The following STEAP2 variants were observed in gnomAD, a reference collection of about 807,000 sequenced individuals.
STEAP2 encodes the protein metalloreductase STEAP2.
STEAP2 carries 30 observed loss-of-function variants against 46.4 expected under a neutral mutation model. The observed-to-expected ratio is 0.65, with a 90% CI of 0.48 to 0.88. The LOEUF is 0.88. Ranked by LOEUF, STEAP2 falls within the 40% of genes least tolerant of loss-of-function variation. The pLI is 0.00. For synonymous variants in STEAP2, 180 were observed against 200.5 expected, an observed-to-expected ratio of 0.90 and a Z score of 0.86; for missense variants, 513 against 579.3, an observed-to-expected ratio of 0.89 and a Z score of 1.18.
chr7:90,217,785 G>A (rs1215674466), intron 2 of STEAP2, among the ~76,000 whole-genome samples: 1 of 151,456 alleles, frequency 6.6e-6, no homozygotes. Flanking sequence ...ATAATACCCG[G>A]TAGTGAGATT....
Position 90,236,063 on chromosome 7 carries a change from T to A in STEAP2, c.*3439T>A. 1 of 742,320 alleles carries A rather than the reference T, an allele frequency of 1.3e-6. No homozygotes were observed. Among genetic ancestry groups the A allele is most frequent in the Non-Finnish European group, 1.6e-6 (1 of 608,678 alleles). The allele number at this position is 742,320 out of a possible 1,614,324, so 46.0% of individuals were successfully genotyped here. ...ACAATCAAATTATAGAAATTACTTG[T>A]GTAAAAGGGCTTCAAGAATATATCC... On this transcript the variant is annotated 3_prime_UTR_variant, in exon 6 of 6. Coordinates refer to ENST00000394621, the MANE Select transcript of STEAP2 (RefSeq NM_001244944.2).
At chr7:90,230,980 T>C (rs1795717338) in intron 5 of STEAP2, among the ~76,000 whole-genome samples, 1 of 151,840 alleles carries the variant, frequency 6.6e-6, no homozygotes, top group African/African-American at 2.4e-5. Flanking sequence ...CGAAAAGAAA[T>C]AGAAGGTTCT....
At position 90,235,628 on chromosome 7, in the gene STEAP2, T is replaced by C. The variant is rs1795938564; in HGVS notation, c.*3004T>C. 1 of 841,042 alleles carries C rather than the reference T, an allele frequency of 1.2e-6. No homozygotes were observed. The highest frequency in any genetic ancestry group is 1.8e-5 in the African/African-American group (1 of 54,450). The allele number at this position is 841,042 out of a possible 1,614,324, so 52.1% of individuals were successfully genotyped here. A position where few individuals can be genotyped will look rare whatever the true frequency, so the allele number is the denominator to read the frequency against. On this transcript the variant is annotated 3_prime_UTR_variant, in exon 6 of 6. Transcript: ENST00000394621. ...TCTTAATCCTATGCAAAAAAAAAAA[T>C]CAAGTAATTGTTTTCCTATGAGGAA...
In STEAP2 at chr7:90,232,683, C is replaced by A. The variant is rs1795813371; in HGVS notation, c.*59C>A. The A allele has an allele frequency of 6.7e-7, 1 of 1,490,674 alleles. No individual in the cohort carries two copies. The highest frequency in any genetic ancestry group is 1.4e-5 in the African/African-American group (1 of 71,904). The allele number at this position is 1,490,674 out of a possible 1,614,324, so 92.3% of individuals were successfully genotyped here. A position where few individuals can be genotyped will look rare whatever the true frequency, so the allele number is the denominator to read the frequency against. On this transcript the variant is annotated 3_prime_UTR_variant, in exon 6 of 6. Transcript: ENST00000394621. ...TCTACTCATGCCATTATTTTTATGA[C>A]TTCTACGTTCAGTTACAAGTATGCT...
chr7:90,228,681 A>C (rs1217238866), intron 4 of STEAP2, among the ~76,000 whole-genome samples: 1 of 152,178 alleles, frequency 6.6e-6, no homozygotes, highest in Admixed American at 6.6e-5. Flanking sequence ...CCCAACAGAA[A>C]GTAAGTTCAT....
At chr7:90,214,921 T>C (rs1794955074) in intron 1 of STEAP2, among the ~76,000 whole-genome samples, 1 of 152,192 alleles carries the variant, frequency 6.6e-6, no homozygotes, top group African/African-American at 2.4e-5. Context: ...TGAAGTTGAA[T>C]GGTTCATCCA....
In STEAP2 at chr7:90,235,540, A is replaced by G; in HGVS notation, c.*2916A>G. ...AACCTTAGAGCAGTGGAGATTTGCT[A>G]CCTGGTCTGTGTTTTGAGAAGTGCC... On this transcript the variant is annotated 3_prime_UTR_variant, in exon 6 of 6. Transcript: ENST00000394621. 2 of 985,058 alleles carry G rather than the reference A, an allele frequency of 2.0e-6. No individual in the cohort carries two copies. The highest frequency in any genetic ancestry group is 4.7e-5 in the South Asian group (1 of 21,260). 61.0% of individuals were successfully genotyped at this position (985,058 alleles called of 1,614,324 possible).
chr7:90,216,462 A>G (rs1795019426), intron 1 of STEAP2, 29 bp from the exon 2 acceptor site: 2 of 152,198 alleles, frequency 1.3e-5, no homozygotes, highest in African/African-American at 4.8e-5. Flanking sequence ...GGAGTGACGC[A>G]TTTTAAGGAA....
rs367758841 is a variant in STEAP2 at position 90,227,461 on chromosome 7, C to T, written c.983C>T (p.Ser328Leu). The change falls in exon 4 of 6, where the codon TCA (serine) becomes TTA (leucine). Residue 328 changes from serine to leucine, a missense_variant. By Grantham distance (145) the Ser-to-Leu change is moderately radical. Transcript: ENST00000394621. ...AGCCTCTGCTTACCGATGAGAAGGT[C>T]AGAGAGATATTTGTTTCTCAACATG... ...AYSLCLPMRR[S>L]ERYLFLNMAY... 1 of 1,595,266 alleles carries T rather than the reference C, an allele frequency of 6.3e-7. No individual in the cohort carries two copies. The highest frequency in any genetic ancestry group is 8.6e-7 in the Non-Finnish European group (1 of 1,165,810).
Position 90,235,616 on chromosome 7 carries a change from C to A in STEAP2, c.*2992C>A, listed in dbSNP as rs1460931986. 2.2e-5 allele frequency: 19 copies of A among 870,454 alleles called. No homozygotes were observed. Among genetic ancestry groups the A allele is most frequent in the Admixed American group, 6.3e-5 (1 of 15,794 alleles). 53.9% of individuals were successfully genotyped at this position (870,454 alleles called of 1,614,324 possible). ...AAAGATACTCAGTCTTAATCCTATGCAAAAAAAAAAATCAAGTAATTGTTT... is the reference window on the plus strand; with the variant it reads ...AAAGATACTCAGTCTTAATCCTATGAAAAAAAAAAAATCAAGTAATTGTTT... On this transcript the variant is annotated 3_prime_UTR_variant, in exon 6 of 6. Coordinates refer to ENST00000394621, the MANE Select transcript of STEAP2 (RefSeq NM_001244944.2).
rs983605190 is a variant in STEAP2, at chr7:90,236,022, A to G, written c.*3398A>G. The G allele has an allele frequency of 4.6e-6, 4 of 873,638 alleles. No individual in the cohort carries two copies. In the African/African-American group the frequency reaches 7.3e-5, roughly 16 times the overall value. 54.1% of individuals were successfully genotyped at this position (873,638 alleles called of 1,614,324 possible). ...ATTAATCTGATAATAGTAACAAGGTATATTATACTTTCATTACAATCAAAT... is the reference window on the plus strand; with the variant it reads ...ATTAATCTGATAATAGTAACAAGGTGTATTATACTTTCATTACAATCAAAT... On this transcript the variant is annotated 3_prime_UTR_variant, in exon 6 of 6. Transcript: ENST00000394621.
intron 1 of STEAP2, among the ~76,000 whole-genome samples, chr7:90,214,554 G>T (rs547823217): frequency 6.6e-6 from 1 of 152,104 alleles, no homozygotes; most frequent in Non-Finnish European, 1.5e-5. Context: ...CACCAACGTG[G>T]ATACAGATAC....
chr7:90,219,924 A>G (rs1795182375), intron 2 of STEAP2, among the ~76,000 whole-genome samples: 1 of 152,076 alleles, frequency 6.6e-6, no homozygotes, highest in African/African-American at 2.4e-5. Context: ...CGAGGGTCTC[A>G]TTATGTTGCC....
rs1795870323 is a variant in STEAP2 at position 90,234,114 on chromosome 7, C to T, written c.*1490C>T. 28 of 985,198 alleles carry T rather than the reference C, an allele frequency of 2.8e-5. No homozygotes were observed. Among genetic ancestry groups the T allele is most frequent in the Non-Finnish European group, 3.4e-5 (28 of 829,918 alleles). 61.0% of individuals were successfully genotyped at this position (985,198 alleles called of 1,614,324 possible). On this transcript the variant is annotated 3_prime_UTR_variant, in exon 6 of 6. Coordinates refer to ENST00000394621, the MANE Select transcript of STEAP2 (RefSeq NM_001244944.2). The stretch of plus-strand genomic sequence containing the variant: ...TGAGAAGTTCTCCTGCCTGCATAAC[C>T]ATTCATTAGGGAGTACTTTACAAGC...
rs1361882978 is a variant in STEAP2 at position 90,232,456 on chromosome 7, T to C, written c.1305T>C (p.Ala435=). ...RFYTPPNFVL[A]LVLPSIVILG... ...ATACACCACCAAACTTTGTTCTTGC[T>C]CTTGTTTTGCCCTCAATTGTAATTC... Residue 435 remains alanine, a synonymous_variant, in exon 6 of 6, where the codon GCT becomes GCC. Coordinates refer to ENST00000394621, the MANE Select transcript of STEAP2 (RefSeq NM_001244944.2). 6.2e-7 allele frequency: 1 copy of C among 1,613,850 alleles called. No individual in the cohort carries two copies. The highest frequency in any genetic ancestry group is 8.5e-7 in the Non-Finnish European group (1 of 1,179,786).
chr7:90,239,502 T>C (rs1290305139), downstream of STEAP2, among the ~76,000 whole-genome samples: 1 of 152,214 alleles, frequency 6.6e-6, no homozygotes, highest in African/African-American at 2.4e-5. Context: ...ATAATTAATG[T>C]CATTGGAACA....
intron 4 of STEAP2, among the ~76,000 whole-genome samples, chr7:90,228,768 C>T (rs1584244815): frequency 6.6e-6 from 1 of 152,164 alleles, no homozygotes; most frequent in East Asian, 1.9e-4. Flanking sequence ...ATTGTGGACA[C>T]TCAAACAGCC....
downstream of STEAP2, among the ~76,000 whole-genome samples, chr7:90,240,280 CA>C (rs56229485): frequency 0.9 from 131,486 of 146,172 alleles, 59,215 homozygotes; most frequent in East Asian, 0.99. The surrounding 1 kb of genome is among the most constrained non-coding windows in gnomAD (Gnocchi z 4.1). Context: ...GACCCTGTCT[CA>C]AAAAAAAAAA....
Position 90,226,952 on chromosome 7 carries a change from CTT to C in STEAP2, c.493-15_493-14del. Reference sequence around the variant, plus strand: ...ATAAACAACAATGGTAATGCTGAGTCTTTTTGTTTTTTCCACAGGTTTATATA... The same window carrying C: ...ATAAACAACAATGGTAATGCTGAGTCTTTGTTTTTTCCACAGGTTTATATA... On this transcript the variant is annotated splice_polypyrimidine_tract_variant and intron_variant, in intron 3 of 5. Transcript: ENST00000394621. The C allele has an allele frequency of 6.5e-7, 1 of 1,545,048 alleles. No homozygotes were observed.
Sources: allele counts gnomAD v4.1 joint callset (sites outside exome capture counted in the v4.1 genomes callset), GRCh38; gene constraint gnomAD v4.1.1; non-coding constraint Gnocchi (gnomAD v3.1); transcripts MANE v1.5; gene names NCBI Gene and HGNC (gene_info 2026-07-23, HGNC 2026-07-21).